LAMA3: variants seen among roughly 807,000 people sequenced by gnomAD.
LAMA3 encodes laminin subunit alpha-3.
LAMA3 carries 281 observed loss-of-function variants against 402.0 expected under a neutral mutation model. The ratio of observed to expected loss-of-function variants is 0.70; its 90% CI spans 0.63 to 0.77. The LOEUF is 0.77. Ranked by LOEUF, LAMA3 falls within the 30% of genes least tolerant of loss-of-function variation. The pLI, the probability that LAMA3 is intolerant of heterozygous loss-of-function variation, is 0.00. For missense variants in LAMA3, 3,840 were observed against 4,215.5 expected, an observed-to-expected ratio of 0.91 and a Z score of 2.47; for synonymous variants, 1,431 against 1,558.4, an observed-to-expected ratio of 0.92 and a Z score of 1.93.
At chr18:23,804,360 G>A (rs1112378) in intron 12 of LAMA3, among the ~76,000 whole-genome samples, 34,243 of 152,108 alleles carry the variant, frequency 0.23, 5,598 homozygotes, top group East Asian at 0.64. Context: ...CTGCTGCAGA[G>A]CCTTCCCTTG....
At chr18:23,885,120 C>T (rs1349879111) in intron 41 of LAMA3, among the ~76,000 whole-genome samples, 1 of 150,548 alleles carries the variant, frequency 6.6e-6, no homozygotes, top group Non-Finnish European at 1.5e-5. Flanking sequence ...CCCCCCAACA[C>T]GCACCCCTGT....
chr18:23,821,198 G>C (rs2063279121), intron 19 of LAMA3, among the ~76,000 whole-genome samples: 1 of 152,152 alleles, frequency 6.6e-6, no homozygotes, highest in African/African-American at 2.4e-5. Context: ...AGTTATTTTG[G>C]TCAGAGGACC....
At chr18:23,791,219 C>T (rs1171880676) in intron 12 of LAMA3, among the ~76,000 whole-genome samples, 1 of 152,110 alleles carries the variant, frequency 6.6e-6, no homozygotes, top group Non-Finnish European at 1.5e-5. Flanking sequence ...TACTATTCTT[C>T]CTTAAACCCT....
intron 18 of LAMA3, among the ~76,000 whole-genome samples, chr18:23,817,070 A>G (rs1009480737): frequency 3.9e-5 from 6 of 152,118 alleles, no homozygotes; most frequent in African/African-American, 9.7e-5. Context: ...GTTGTTCCCC[A>G]GGGTTGCGGT....
intron 37 of LAMA3, among the ~76,000 whole-genome samples, chr18:23,868,828 A>G (rs1233798997): frequency 6.6e-6 from 1 of 152,252 alleles, no homozygotes; most frequent in Non-Finnish European, 1.5e-5. Context: ...AACTTTTGTT[A>G]TACTTATTTG....
At chr18:23,754,272 A>G (rs1387236417) in intron 6 of LAMA3, among the ~76,000 whole-genome samples, 3 of 152,224 alleles carry the variant, frequency 2.0e-5, no homozygotes, top group Admixed American at 6.5e-5. Context: ...TGTGCAACCA[A>G]TCTCCAGAAC....
At position 23,904,045 on chromosome 18, in the gene LAMA3, A is replaced by G. The variant is rs747118447; in HGVS notation, c.6431A>G (p.Lys2144Arg). Residue 2144 changes from lysine to arginine, a missense_variant, in exon 50 of 75, where the codon AAG becomes AGG. Physicochemically the swap from Lys to Arg is conservative, Grantham distance 26. Coordinates refer to ENST00000313654, the MANE Select transcript of LAMA3 (RefSeq NM_198129.4). ...ACATCCCTTGTGGAGGAGGCAGAAA[A>G]GCACGCGCGGTCCTTACAAGAGCTG... ...GKTSLVEEAE[K>R]HARSLQELAK... 6.2e-7 allele frequency: 1 copy of G among 1,614,108 alleles called. No homozygotes were observed. Among genetic ancestry groups the G allele is most frequent in the South Asian group, 1.1e-5 (1 of 91,074 alleles).
chr18:23,838,162 C>T (rs1312591193), intron 25 of LAMA3, among the ~76,000 whole-genome samples: 1 of 152,058 alleles, frequency 6.6e-6, no homozygotes, highest in Non-Finnish European at 1.5e-5. Context: ...TGGTATTCAC[C>T]AAAAATGTTT....
rs1298746865 is a variant in LAMA3 at position 23,839,877 on chromosome 18, A to G, written c.3284A>G (p.Gln1095Arg). 4 of 1,614,240 alleles carry G rather than the reference A, an allele frequency of 2.5e-6. No individual in the cohort carries two copies. Among genetic ancestry groups the G allele is most frequent in the Admixed American group, 3.3e-5 (2 of 60,032 alleles). The part of the protein sequence containing the change: ...SGRPFPHLPQ[Q>R]SSPSVDVLPG... ...AGGCCTTTCCCTCACCTGCCCCAGC[A>G]GTCGTCACCTTCTGTTGATGTTCTT... The change falls in exon 27 of 75, where the codon CAG (glutamine) becomes CGG (arginine). Residue 1095 changes from glutamine to arginine, a missense_variant. By Grantham distance (43) the Gln-to-Arg change is conservative (BLOSUM62 1). Transcript: ENST00000313654. The surrounding 1 kb of genome is among the most constrained non-coding windows in gnomAD (Gnocchi z 4.5).
At position 23,690,706 on chromosome 18, in the gene LAMA3, G is replaced by T. The variant is rs966491326; in HGVS notation, c.294+729G>T. 2.6e-5 allele frequency among the ~76,000 whole-genome samples: 4 copies of T among 151,620 alleles called. No individual in the cohort carries two copies. In the East Asian group the frequency reaches 7.8e-4, roughly 29 times the overall value. On this transcript the variant is annotated intron_variant, in intron 1 of 74. Transcript: ENST00000313654. ...GCTCACGGCAGCCTCGAACTCCTGG[G>T]CTCAAGGGATCCTCCCGCCTCAGCC...
In LAMA3 at chr18:23,901,146, C is replaced by A. The variant is rs543980622; in HGVS notation, c.6024C>A (p.Thr2008=). The part of the protein sequence containing the change: ...ESQLLLNRIR[T]WQKTHQGENN... ...TTACAGTGCTGAACCGGATAAGGACCTGGCAGAAAACCCACCAGGGGGAGA... is the reference window on the plus strand; with the variant it reads ...TTACAGTGCTGAACCGGATAAGGACATGGCAGAAAACCCACCAGGGGGAGA... Residue 2008 remains threonine (T), a synonymous_variant, in exon 48 of 75, where the codon ACC becomes ACA. Coordinates refer to ENST00000313654, the MANE Select transcript of LAMA3 (RefSeq NM_198129.4). 3 of 1,614,018 alleles carry A rather than the reference C, an allele frequency of 1.9e-6. No homozygotes were observed. The highest frequency in any genetic ancestry group is 2.5e-6 in the Non-Finnish European group (3 of 1,179,994).
chr18:23,894,968 C>G lies in LAMA3; in HGVS notation c.5523C>G (p.Arg1841=). Residue 1841 remains arginine (R), a synonymous_variant, in exon 44 of 75, where the codon CGC becomes CGG. Coordinates refer to ENST00000313654, the MANE Select transcript of LAMA3 (RefSeq NM_198129.4). ...TGGCCACCATGGGCGAGCAGCTCCG[C>G]CTGGTCAAGTCTCAGCTGCAGGGCC... ...NDLATMGEQL[R]LVKSQLQGLS... 1 of 1,614,122 alleles carries G rather than the reference C, an allele frequency of 6.2e-7. No individual in the cohort carries two copies. The highest frequency in any genetic ancestry group is 8.5e-7 in the Non-Finnish European group (1 of 1,180,010).
chr18:23,796,343 A>G (rs982496404), intron 12 of LAMA3, among the ~76,000 whole-genome samples: 6 of 152,168 alleles, frequency 3.9e-5, no homozygotes, highest in Admixed American at 3.9e-4. Flanking sequence ...GTCTTCCCCC[A>G]TATCCACAGA....
chr18:23,719,382 C>A (rs1282930513), intron 2 of LAMA3, among the ~76,000 whole-genome samples: 1 of 152,046 alleles, frequency 6.6e-6, no homozygotes, highest in Non-Finnish European at 1.5e-5. Context: ...ACCCTGAAAC[C>A]CCCTGCAGGT....
At chr18:23,756,362 G>A (rs962629855) in intron 6 of LAMA3, among the ~76,000 whole-genome samples, 12 of 150,020 alleles carry the variant, frequency 8.0e-5, no homozygotes, top group Admixed American at 1.3e-4. Context: ...AACACTGCAC[G>A]TCTCTCATAT....
At chr18:23,872,448 GCAAA>G (rs2064555221) in intron 38 of LAMA3, among the ~76,000 whole-genome samples, 1 of 152,120 alleles carries the variant, frequency 6.6e-6, no homozygotes. Context: ...AATAAAAGTA[GCAAA>G]CACTCATTCT....
chr18:23,804,893 C>T (rs971953774), intron 12 of LAMA3, among the ~76,000 whole-genome samples: 4 of 152,150 alleles, frequency 2.6e-5, no homozygotes, highest in Non-Finnish European at 5.9e-5. Flanking sequence ...TCCCCTTTAC[C>T]TTCTGCCATG....
Position 23,814,443 on chromosome 18 carries a change from G to A in LAMA3, c.1829G>A (p.Cys610Tyr). The change falls in exon 15 of 75, where the codon TGT (cysteine) becomes TAT (tyrosine). Residue 610 changes from cysteine (C) to tyrosine (Y), a missense_variant. This residue lies in a region of LAMA3 where 2,109 missense variants were observed against 2,376.0 expected (regional missense o/e 0.89). Transcript: ENST00000313654. ...QCKLHVEGPTCSRCKLLYWNL... is the reference protein window; with the variant it reads ...QCKLHVEGPTYSRCKLLYWNL... ...AAGCTTCATGTTGAAGGTCCTACTTGTAGCCGCTGCAAACTGTTATATTGG... is the reference window on the plus strand; with the variant it reads ...AAGCTTCATGTTGAAGGTCCTACTTATAGCCGCTGCAAACTGTTATATTGG... The A allele has an allele frequency of 6.2e-7, 1 of 1,613,992 alleles. No individual in the cohort carries two copies. The highest frequency in any genetic ancestry group is 2.2e-5 in the East Asian group (1 of 44,844).
chr18:23,821,431 C>G (rs1180493502), intron 19 of LAMA3, among the ~76,000 whole-genome samples: 2 of 152,186 alleles, frequency 1.3e-5, no homozygotes, highest in African/African-American at 4.8e-5. Context: ...AAAAAAATAT[C>G]CCCTTCCTTT....
Sources: gnomAD v4.1 joint callset for allele counts (sites outside exome capture counted in the v4.1 genomes callset) on GRCh38, gnomAD v4.1.1 for gene constraint, gnomAD v4.1.1 regional missense constraint, Gnocchi (gnomAD v3.1) non-coding constraint, MANE v1.5 for transcripts, NCBI Gene and HGNC (gene_info 2026-07-23, HGNC 2026-07-21) for gene names.